The following KIF1A variants were observed in gnomAD, a reference collection of about 807,000 sequenced individuals.
KIF1A encodes the protein kinesin family member 1A, also known as kinesin-like protein KIF1A.
KIF1A carries 46 observed loss-of-function variants against 227.3 expected under a neutral mutation model. The ratio of observed to expected loss-of-function variants is 0.20; its 90% confidence interval spans 0.16 to 0.26. The LOEUF (loss-of-function observed/expected upper bound fraction) is 0.26, where lower values mean the gene tolerates loss of function less well. KIF1A is among the 10% of genes least tolerant of loss of function. The pLI, the probability that KIF1A is intolerant of heterozygous loss-of-function variation, is 1.00. For synonymous variants in KIF1A, 1,022 were observed against 1,012.8 expected (o/e 1.01, Z -0.17); for missense variants, 1,683 against 2,485.9 (o/e 0.68, Z 6.87).
chr2:240,783,348 C>A (rs193035972), intron 8 of KIF1A, among the ~76,000 whole-genome samples: 10 of 152,312 alleles, frequency 6.6e-5, no homozygotes, highest in African/African-American at 2.4e-4. Context: ...CATCCCATGT[C>A]CCCCTGAAAT....
intron 2 of KIF1A, among the ~76,000 whole-genome samples, chr2:240,791,069 C>T (rs764536463): frequency 1.1e-4 from 16 of 152,078 alleles, no homozygotes; most frequent in Non-Finnish European, 1.9e-4. Flanking sequence ...TTCTGGGAAA[C>T]ACCCAGGCAC....
At chr2:240,796,015 A>T (rs2056354172) in intron 2 of KIF1A, among the ~76,000 whole-genome samples, 1 of 152,092 alleles carries the variant, frequency 6.6e-6, no homozygotes, top group Admixed American at 6.5e-5. Flanking sequence ...CCAGTGGGGG[A>T]TGGAAGGGGA....
In KIF1A at chr2:240,742,913, C is replaced by T. The variant is rs918871481; in HGVS notation, c.3640+16G>A. The T allele has an allele frequency of 1.9e-5, 30 of 1,608,842 alleles. 1 individual carries two copies. In the Admixed American group the frequency reaches 4.9e-4, roughly 26 times the overall value. On this transcript the variant is annotated intron_variant, in intron 34 of 48. Coordinates refer to ENST00000498729, the MANE Select transcript of KIF1A (RefSeq NM_001244008.2). ...GGAGCTCACTGCCCTGAGACGGCTCCAGAGACCCTTCCTACCTGGCTTGGA... is the reference window on the plus strand; with the variant it reads ...GGAGCTCACTGCCCTGAGACGGCTCTAGAGACCCTTCCTACCTGGCTTGGA...
intron 38 of KIF1A, among the ~76,000 whole-genome samples, chr2:240,732,648 G>T (rs2046851512): frequency 8.4e-6 from 1 of 119,074 alleles, no homozygotes; most frequent in Non-Finnish European, 1.8e-5. Context: ...AATGAGGGGA[G>T]GAGCTAATAA....
chr2:240,776,061 C>G (rs1431521276), intron 10 of KIF1A, 135 bp from the exon 11 acceptor site: 1 of 685,092 alleles, frequency 1.5e-6, no homozygotes, highest in African/African-American at 1.8e-5. Context: ...CTCTGCTGGA[C>G]ACATTCTCAG....
intron 38 of KIF1A, among the ~76,000 whole-genome samples, chr2:240,730,337 C>A (rs937392986): frequency 6.6e-6 from 1 of 152,198 alleles, no homozygotes; most frequent in African/African-American, 2.4e-5. Flanking sequence ...AACCAAGACC[C>A]AGGGAGGCTG....
Position 240,737,155 on chromosome 2 carries a change from G to T in KIF1A, c.3915C>A (p.Asn1305Lys). The T allele has an allele frequency of 1.2e-6, 2 of 1,613,564 alleles. No homozygotes were observed. The highest frequency in any genetic ancestry group is 2.2e-5 in the South Asian group (2 of 91,062). ...TCAGGGACTCGTCGGTCTCTGGAGT[G>T]TTTCGGATGCGGCCTGCAGAAAAGG... ...VRELVVGRIR[N>K]TPETDESLID... The change falls in exon 38 of 49, where the codon AAC becomes AAA. Residue 1305 changes from asparagine (N) to lysine (K), a missense_variant. Coordinates refer to ENST00000498729, the MANE Select transcript of KIF1A (RefSeq NM_001244008.2).
chr2:240,762,649 G>A, intron 23 of KIF1A, 70 bp downstream of exon 23: 2 of 1,436,510 alleles, frequency 1.4e-6, no homozygotes, highest in South Asian at 3.1e-5. Flanking sequence ...TCCAGGGAGA[G>A]GCCCAGGGCT....
In KIF1A at chr2:240,747,327, G is replaced by A. The variant is rs755569458; in HGVS notation, c.2978-6C>T. The A allele has an allele frequency of 7.4e-6, 12 of 1,612,002 alleles. No homozygotes were observed. Among genetic ancestry groups the A allele is most frequent in the Non-Finnish European group, 7.6e-6 (9 of 1,178,578 alleles). On this transcript the variant is annotated splice_region_variant and splice_polypyrimidine_tract_variant and intron_variant, in intron 28 of 48. Coordinates refer to ENST00000498729, the MANE Select transcript of KIF1A (RefSeq NM_001244008.2). ...ATCAGGGGCCTCTTCATCGGCTGCA[G>A]GAGAAACAGAGCAAATGGTTGGAGC...
At chr2:240,759,689 A>C (rs1163879031) in intron 25 of KIF1A, among the ~76,000 whole-genome samples, 2 of 152,142 alleles carry the variant, frequency 1.3e-5, no homozygotes, top group Admixed American at 6.5e-5. Context: ...CGCTGACCTC[A>C]CATGGTGACT....
chr2:240,752,169 C>G lies in KIF1A; in HGVS notation c.2859-1622G>C, dbSNP rs1386091507. Among the ~76,000 whole-genome samples the G allele has an allele frequency of 6.6e-6, 1 of 152,042 alleles. No individual in the cohort carries two copies. Among genetic ancestry groups the G allele is most frequent in the East Asian group, 1.9e-4 (1 of 5,160 alleles). On this transcript the variant is annotated intron_variant, in intron 27 of 48. Coordinates refer to ENST00000498729, the MANE Select transcript of KIF1A (RefSeq NM_001244008.2). The surrounding 1 kb of genome is among the most constrained non-coding windows in gnomAD (Gnocchi z 6.4). ...GCACAACGCCCCCTCTGAAGATGCC[C>G]CCCGAGAAGCGAGTACCCCACACCA...
intron 1 of KIF1A, among the ~76,000 whole-genome samples, chr2:240,801,128 A>G (rs1035868845): frequency 3.3e-5 from 5 of 152,214 alleles, no homozygotes; most frequent in Non-Finnish European, 5.9e-5. Flanking sequence ...TTAAAAACAA[A>G]GAGGAAAAAT....
intron 6 of KIF1A, 140 bp downstream of exon 6, chr2:240,786,195 C>T (rs966992067): frequency 5.0e-6 from 4 of 800,240 alleles, no homozygotes; most frequent in African/African-American, 3.4e-5. Context: ...CCTAAACGAC[C>T]TCGGGCTCAG....
chr2:240,789,721 G>C lies in KIF1A; in HGVS notation c.107-409C>G, dbSNP rs549676482. On this transcript the variant is annotated intron_variant, in intron 2 of 48. Transcript: ENST00000498729. The surrounding 1 kb of genome is among the most constrained non-coding windows in gnomAD (Gnocchi z 4.8). ...TCAGGCCTTTATGCTCCGGCTCAGCGTGCACGTGCCCGAGAAGCGCTGGAA... is the reference window on the plus strand; with the variant it reads ...TCAGGCCTTTATGCTCCGGCTCAGCCTGCACGTGCCCGAGAAGCGCTGGAA... Among the ~76,000 whole-genome samples the C allele has an allele frequency of 6.6e-6, 1 of 152,250 alleles. No homozygotes were observed. Among genetic ancestry groups the C allele is most frequent in the African/African-American group, 2.4e-5 (1 of 41,540 alleles).
rs1189491887 is a variant in KIF1A, at chr2:240,820,025, G to T, written c.-61+97C>A. The T allele has an allele frequency of 2.0e-5, 3 of 152,326 alleles. No individual in the cohort carries two copies. The highest frequency in any genetic ancestry group is 7.2e-5 in the African/African-American group (3 of 41,406). The allele number at this position is 152,326 out of a possible 1,614,324, so 9.4% of individuals were successfully genotyped here. On this transcript the variant is annotated intron_variant, in intron 1 of 48. Coordinates refer to ENST00000498729, the MANE Select transcript of KIF1A (RefSeq NM_001244008.2). This position sits in a 1 kb window ranked among gnomAD's most constrained non-coding sequence, Gnocchi z 6.2. ...CGGGCCGGAGCTCCCCGCCCTGGGC[G>T]CAGTGGGTGCAGGTGCGGGCTGCGG...
chr2:240,767,467 G>T, intron 17 of KIF1A, 122 bp from the exon 18 acceptor site: 1 of 769,840 alleles, frequency 1.3e-6, no homozygotes, highest in Non-Finnish European at 2.2e-6. Flanking sequence ...CCCGCACTTG[G>T]CTGGTGCCAC....
intron 32 of KIF1A, among the ~76,000 whole-genome samples, 197 bp downstream of exon 32, chr2:240,745,230 C>T (rs140364008): frequency 0.018 from 2,765 of 152,266 alleles, 30 homozygotes; most frequent in Middle Eastern, 0.031. Context: ...GGCCCCCATG[C>T]CCCAGCTGTA....
Position 240,758,392 on chromosome 2 carries a change from A to G in KIF1A, c.2550T>C (p.Tyr850=). The change falls in exon 26 of 49, where the codon TAT becomes TAC. Residue 850 remains tyrosine (Y), a synonymous_variant. Transcript: ENST00000498729. The surrounding 1 kb of genome is among the most constrained non-coding windows in gnomAD (Gnocchi z 5.2). The part of the protein sequence containing the change: ...DNVVTGGDPF[Y]DRFPWFRLVG... Reference sequence around the variant, plus strand: ...CCAGCCGGAACCAGGGGAAGCGGTCATAGAAGGGGTCTCCGCCGGTCACCA... The same window carrying G: ...CCAGCCGGAACCAGGGGAAGCGGTCGTAGAAGGGGTCTCCGCCGGTCACCA... The G allele has an allele frequency of 3.7e-6, 6 of 1,613,022 alleles. No individual in the cohort carries two copies. The highest frequency in any genetic ancestry group is 3.3e-4 in the Middle Eastern group (2 of 6,052).
intron 7 of KIF1A, among the ~76,000 whole-genome samples, chr2:240,784,553 C>T (rs1192801394): frequency 1.3e-5 from 2 of 152,210 alleles, no homozygotes; most frequent in African/African-American, 4.8e-5. Flanking sequence ...ACTGAGCAGC[C>T]CTCACTCCAC....
Sources: gnomAD v4.1 joint callset for allele counts (sites outside exome capture counted in the v4.1 genomes callset) on GRCh38, gnomAD v4.1.1 for gene constraint, Gnocchi (gnomAD v3.1) non-coding constraint, MANE v1.5 for transcripts, NCBI Gene and HGNC (gene_info 2026-07-23, HGNC 2026-07-21) for gene names.